ST8SIA1: variants seen among roughly 807,000 people sequenced by gnomAD.
The protein encoded by ST8SIA1 is alpha-N-acetylneuraminide alpha-2,8-sialyltransferase.
ST8SIA1 carries 16 observed loss-of-function variants against 35.9 expected under a neutral mutation model. The observed-to-expected ratio is 0.45, with a 90% CI of 0.30 to 0.68. The LOEUF (loss-of-function observed/expected upper bound fraction) is 0.68. ST8SIA1 is among the 30% of genes least tolerant of loss of function. The pLI is 0.09. For synonymous variants in ST8SIA1, 170 were observed against 169.6 expected (o/e 1.00, Z -0.02); for missense variants, 383 against 453.6 (o/e 0.84, Z 1.41).
intron 1 of ST8SIA1, among the ~76,000 whole-genome samples, chr12:22,323,369 A>C (rs1866628725): frequency 1.3e-5 from 2 of 152,232 alleles, no homozygotes. Context: ...TGAACAATCA[A>C]AGATGCCAGA....
intron 1 of ST8SIA1, among the ~76,000 whole-genome samples, chr12:22,307,241 C>T (rs911552108): frequency 2.6e-5 from 4 of 152,032 alleles, no homozygotes; most frequent in African/African-American, 7.2e-5. Context: ...AATTACCAAG[C>T]GCTGGGCTTC....
At chr12:22,220,968 C>A (rs1865292124) in intron 4 of ST8SIA1, among the ~76,000 whole-genome samples, 1 of 152,208 alleles carries the variant, frequency 6.6e-6, no homozygotes, top group African/African-American at 2.4e-5. Flanking sequence ...ACTTTTAGTG[C>A]TTTTCTACAT....
chr12:22,254,520 C>T (rs1233735553), intron 3 of ST8SIA1, among the ~76,000 whole-genome samples: 1 of 152,158 alleles, frequency 6.6e-6, no homozygotes, highest in Non-Finnish European at 1.5e-5. Flanking sequence ...TGTCCTTCTT[C>T]CCTCTCACCC....
intron 4 of ST8SIA1, among the ~76,000 whole-genome samples, chr12:22,220,581 T>C (rs1865286078): frequency 6.6e-6 from 1 of 152,218 alleles, no homozygotes; most frequent in South Asian, 2.1e-4. Context: ...TTCATCTTAC[T>C]CTGATGTTCC....
At chr12:22,259,726 A>G in intron 2 of ST8SIA1, among the ~76,000 whole-genome samples, 1 of 152,116 alleles carries the variant, frequency 6.6e-6, no homozygotes, top group Non-Finnish European at 1.5e-5. Context: ...TCGGCCTCCC[A>G]AAGTGCTGGG....
chr12:22,310,685 G>A (rs892504812), intron 1 of ST8SIA1, among the ~76,000 whole-genome samples: 1 of 151,910 alleles, frequency 6.6e-6, no homozygotes, highest in African/African-American at 2.4e-5. Context: ...TATACGCCTC[G>A]GTGGATTTAG....
At position 22,266,640 on chromosome 12, in the gene ST8SIA1, T is replaced by TA. The variant is rs1294655225; in HGVS notation, c.382-11252_382-11251insT. On this transcript the variant is annotated intron_variant, in intron 2 of 4. Coordinates refer to ENST00000396037, the MANE Select transcript of ST8SIA1 (RefSeq NM_003034.4). Reference sequence around the variant, plus strand: ...ACTCTGTCTCTACTAAAAATATATATTTTTTAATTAGCCTAGCATCATGGC... The same window carrying TA: ...ACTCTGTCTCTACTAAAAATATATATATTTTTAATTAGCCTAGCATCATGGC... Among the ~76,000 whole-genome samples, 14 of 152,010 alleles carry TA rather than the reference T, an allele frequency of 9.2e-5. No homozygotes were observed. In the South Asian group the frequency reaches 1.0e-3, roughly 11 times the overall value.
intron 4 of ST8SIA1, among the ~76,000 whole-genome samples, chr12:22,208,860 T>G (rs921483615): frequency 2.0e-5 from 3 of 152,150 alleles, no homozygotes; most frequent in African/African-American, 7.2e-5. Context: ...AAAAGTAATA[T>G]TTCAAACCAA....
chr12:22,248,315 G>A (rs1865627712), intron 4 of ST8SIA1, among the ~76,000 whole-genome samples: 1 of 126,882 alleles, frequency 7.9e-6, no homozygotes. Context: ...TTTCCTTGGA[G>A]ACGGACTCCT....
At chr12:22,327,600 A>G (rs1866698156) in intron 1 of ST8SIA1, among the ~76,000 whole-genome samples, 2 of 152,198 alleles carry the variant, frequency 1.3e-5, no homozygotes, top group Admixed American at 1.3e-4. Flanking sequence ...GAAACCAGAG[A>G]AAAAGAAGGA....
intron 1 of ST8SIA1, among the ~76,000 whole-genome samples, chr12:22,312,087 T>C (rs1866456342): frequency 6.6e-6 from 1 of 152,094 alleles, no homozygotes. Flanking sequence ...TCCCCATAAA[T>C]TCTAGTGTGT....
chr12:22,313,846 T>A (rs1866482864), intron 1 of ST8SIA1, among the ~76,000 whole-genome samples: 2 of 152,224 alleles, frequency 1.3e-5, no homozygotes, highest in African/African-American at 4.8e-5. Flanking sequence ...CACCAGCAGA[T>A]ATGTTCAACT....
chr12:22,311,563 C>T (rs1866449777), intron 1 of ST8SIA1, among the ~76,000 whole-genome samples: 1 of 152,032 alleles, frequency 6.6e-6, no homozygotes, highest in South Asian at 2.1e-4. Context: ...AATTAGTGGT[C>T]TTTATTCTGA....
chr12:22,258,027 G>T (rs900130303), intron 2 of ST8SIA1, among the ~76,000 whole-genome samples: 1 of 151,748 alleles, frequency 6.6e-6, no homozygotes, highest in African/African-American at 2.4e-5. Context: ...GAATCTGGCT[G>T]CTTCTCACTA....
chr12:22,220,723 T>A (rs960647901), intron 4 of ST8SIA1, among the ~76,000 whole-genome samples: 1 of 152,208 alleles, frequency 6.6e-6, no homozygotes, highest in Non-Finnish European at 1.5e-5. Context: ...TCAGAGCTAA[T>A]TTTTCCCTCC....
intron 2 of ST8SIA1, among the ~76,000 whole-genome samples, chr12:22,258,585 G>A (rs546485873): frequency 5.3e-5 from 8 of 152,292 alleles, no homozygotes; most frequent in Non-Finnish European, 1.2e-4. Context: ...GCAACAGGAA[G>A]GTCACTGGTG....
At chr12:22,263,330 G>A (rs943368093) in intron 2 of ST8SIA1, among the ~76,000 whole-genome samples, 3 of 152,154 alleles carry the variant, frequency 2.0e-5, no homozygotes, top group Admixed American at 2.0e-4. Context: ...GATGCGCTGA[G>A]TAATTTTTCA....
intron 1 of ST8SIA1, among the ~76,000 whole-genome samples, chr12:22,306,974 A>T (rs1368162377): frequency 1.3e-5 from 2 of 152,260 alleles, no homozygotes; most frequent in East Asian, 3.9e-4. Flanking sequence ...CTTGGCTTCA[A>T]AGGGTTCTAT....
chr12:22,305,435 C>T (rs934708203), intron 1 of ST8SIA1, among the ~76,000 whole-genome samples: 1 of 146,020 alleles, frequency 6.8e-6, no homozygotes, highest in Non-Finnish European at 1.5e-5. Context: ...GGCTGGAGTG[C>T]AATGGCGTGC....
Sources: gnomAD v4.1 joint callset for allele counts (sites outside exome capture counted in the v4.1 genomes callset) on GRCh38, gnomAD v4.1.1 for gene constraint, MANE v1.5 for transcripts, NCBI Gene and HGNC (gene_info 2026-07-23, HGNC 2026-07-21) for gene names.